The following MEIKIN variants were observed in gnomAD, a reference collection of about 807,000 sequenced individuals.
The protein encoded by MEIKIN is meiosis-specific kinetochore protein.
At chr5:131,903,507 A>G (rs752739951) in intron 8 of MEIKIN, among the ~76,000 whole-genome samples, 1 of 152,228 alleles carries the variant, frequency 6.6e-6, no homozygotes, top group Non-Finnish European at 1.5e-5. Context: ...CAGCATTATA[A>G]AAGAAAATAA....
chr5:131,940,798 C>G (rs1265606616), intron 4 of MEIKIN, among the ~76,000 whole-genome samples: 3 of 152,136 alleles, frequency 2.0e-5, no homozygotes, highest in Non-Finnish European at 4.4e-5. Context: ...TCTGCTGTAT[C>G]AGAAGTCTCA....
chr5:131,898,646 C>T (rs573253621), intron 8 of MEIKIN, among the ~76,000 whole-genome samples: 42 of 152,376 alleles, frequency 2.8e-4, no homozygotes, highest in African/African-American at 1.0e-3. Flanking sequence ...AAGGCCCTCC[C>T]CATGCCAGGC....
chr5:131,896,652 T>C (rs890104015), intron 8 of MEIKIN, among the ~76,000 whole-genome samples: 2 of 152,218 alleles, frequency 1.3e-5, no homozygotes, highest in East Asian at 1.9e-4. Flanking sequence ...TCTTTGTGTC[T>C]TTTGATCTTT....
In MEIKIN at chr5:131,868,953, C is replaced by T. The variant is rs188470808; in HGVS notation, c.774+10025G>A. Among the ~76,000 whole-genome samples, 364 of 152,248 alleles carry T rather than the reference C, an allele frequency of 2.4e-3. 5 individuals are homozygous for T. The highest frequency in any genetic ancestry group is 0.02 in the South Asian group (95 of 4,834). On this transcript the variant is annotated intron_variant, in intron 9 of 12. Coordinates refer to ENST00000442687, the MANE Select transcript of MEIKIN (RefSeq NM_001303622.2). ...TGTTATCTCATTATCTTGACATTGT[C>T]CTTCATACAGCAAAAGTTTTTTTAT...
chr5:131,919,123 T>C (rs1326244026), intron 6 of MEIKIN, among the ~76,000 whole-genome samples: 2 of 151,732 alleles, frequency 1.3e-5, no homozygotes, highest in African/African-American at 4.8e-5. Context: ...ATATGAAAAA[T>C]GTTTAAACTC....
chr5:131,897,454 T>C (rs1365395667), intron 8 of MEIKIN, among the ~76,000 whole-genome samples: 8 of 152,194 alleles, frequency 5.3e-5, no homozygotes, highest in African/African-American at 1.7e-4. Context: ...TTGGGGAAAT[T>C]CTCCTGGATA....
At chr5:131,926,008 T>C (rs990599913) in intron 5 of MEIKIN, among the ~76,000 whole-genome samples, 2 of 152,200 alleles carry the variant, frequency 1.3e-5, no homozygotes, top group African/African-American at 4.8e-5. Flanking sequence ...GATCATGTCA[T>C]CTGCAAAAAC....
intron 11 of MEIKIN, among the ~76,000 whole-genome samples, chr5:131,819,668 C>T (rs1174788298): frequency 2.7e-5 from 4 of 146,344 alleles, no homozygotes; most frequent in South Asian, 2.2e-4. Flanking sequence ...GGTGTGATCT[C>T]GGCTCAAAGC....
rs1750111211 is a variant in MEIKIN, at chr5:131,851,345, T to C, written c.894A>G (p.Glu298=). ...CATAATTGCTGACATTTGGAAATAG[T>C]TCTTCAAAAGATGCTTTTTGCACTG... ...LSSVQKASFE[E]LFPNVSNYVN... Residue 298 remains glutamate, a synonymous_variant, in exon 11 of 13, where the codon GAA becomes GAG. Coordinates refer to ENST00000442687, the MANE Select transcript of MEIKIN (RefSeq NM_001303622.2). 1 of 398,036 alleles carries C rather than the reference T, an allele frequency of 2.5e-6. No individual in the cohort carries two copies. The highest frequency in any genetic ancestry group is 4.4e-6 in the Non-Finnish European group (1 of 225,532). 24.7% of individuals were successfully genotyped at this position (398,036 alleles called of 1,614,324 possible).
chr5:131,833,576 C>G (rs1227680684), intron 11 of MEIKIN, among the ~76,000 whole-genome samples: 4 of 152,124 alleles, frequency 2.6e-5, no homozygotes, highest in African/African-American at 9.7e-5. Flanking sequence ...AGAATCATAA[C>G]AGGAGGCGAA....
rs182914260 is a variant in MEIKIN at position 131,851,192 on chromosome 5, C to G, written c.975+72G>C. 1.3e-5 allele frequency: 5 copies of G among 394,088 alleles called. No homozygotes were observed. The Admixed American group carries it at 2.2e-4, about 17-fold the overall frequency. 24.4% of individuals were successfully genotyped at this position (394,088 alleles called of 1,614,324 possible). On this transcript the variant is annotated intron_variant, in intron 11 of 12. Transcript: ENST00000442687. Reference sequence around the variant, plus strand: ...TGAGTTAAGAGATTTCTTATAGCACCTCATATACAAAGTATCTAATGTAAC... The same window carrying G: ...TGAGTTAAGAGATTTCTTATAGCACGTCATATACAAAGTATCTAATGTAAC...
chr5:131,943,909 G>A (rs929805318), intron 3 of MEIKIN, among the ~76,000 whole-genome samples: 1 of 152,072 alleles, frequency 6.6e-6, no homozygotes, highest in Non-Finnish European at 1.5e-5. Flanking sequence ...CTTGAGGTCA[G>A]GAGTTCGAGA....
rs147554836 is a variant in MEIKIN, at chr5:131,858,283, C to T, written c.775-3449G>A. 3.7e-3 allele frequency among the ~76,000 whole-genome samples: 568 copies of T among 152,304 alleles called. 4 individuals carry two copies. The highest frequency in any genetic ancestry group is 0.013 in the African/African-American group (538 of 41,556). On this transcript the variant is annotated intron_variant, in intron 9 of 12. Coordinates refer to ENST00000442687, the MANE Select transcript of MEIKIN (RefSeq NM_001303622.2). ...AATAGAGAGCCCAGAAATAAAGCTG[C>T]ACACCTACAACCATCTGATCTTCGA... is the stretch of plus-strand genomic sequence containing the variant.
intron 8 of MEIKIN, among the ~76,000 whole-genome samples, chr5:131,882,650 T>C (rs1400204549): frequency 6.6e-6 from 1 of 152,220 alleles, no homozygotes; most frequent in Non-Finnish European, 1.5e-5. Context: ...ATCTAAGATG[T>C]ATTTCTCAGT....
chr5:131,924,855 T>C (rs1347697334), intron 5 of MEIKIN, among the ~76,000 whole-genome samples: 2 of 152,220 alleles, frequency 1.3e-5, no homozygotes, highest in Non-Finnish European at 2.9e-5. Context: ...ACTGCTCTTG[T>C]TGCCTATACT....
At chr5:131,845,612 C>CA (rs34164950) in intron 11 of MEIKIN, among the ~76,000 whole-genome samples, 114,077 of 149,102 alleles carry the variant, frequency 0.77, 43,693 homozygotes, top group Middle Eastern at 0.82. Flanking sequence ...TCAAAAGAAG[C>CA]AAAAAAAAAA....
At chr5:131,936,488 C>A (rs1415865584) in intron 4 of MEIKIN, among the ~76,000 whole-genome samples, 4 of 152,182 alleles carry the variant, frequency 2.6e-5, no homozygotes, top group Non-Finnish European at 4.4e-5. Flanking sequence ...ACATTCATCA[C>A]CTTTTTGCTA....
chr5:131,943,009 T>G (rs1279320038), intron 3 of MEIKIN, among the ~76,000 whole-genome samples: 1 of 152,022 alleles, frequency 6.6e-6, no homozygotes, highest in East Asian at 1.9e-4. Context: ...GGGAGGGGCT[T>G]TTTTTCCATC....
At chr5:131,884,985 T>C (rs1750754343) in intron 8 of MEIKIN, among the ~76,000 whole-genome samples, 1 of 150,698 alleles carries the variant, frequency 6.6e-6, no homozygotes. Flanking sequence ...CTATGTCCCA[T>C]GGTATGAGTG....
Sources: allele counts gnomAD v4.1 joint callset (sites outside exome capture counted in the v4.1 genomes callset), GRCh38; gene constraint gnomAD v4.1.1; transcripts MANE v1.5; gene names NCBI Gene and HGNC (gene_info 2026-07-23, HGNC 2026-07-21).